The following GMDS variants were observed in gnomAD, a reference collection of about 807,000 sequenced individuals.
GMDS encodes GDP-mannose 4,6-dehydratase.
GMDS carries 20 observed loss-of-function variants against 49.9 expected under a neutral mutation model. The observed-to-expected ratio is 0.40, with a 90% CI of 0.28 to 0.58. The LOEUF is 0.58. Ranked by LOEUF, GMDS falls within the 20% of genes least tolerant of loss-of-function variation. The pLI is 0.42. For missense variants in GMDS, 362 were observed against 481.4 expected (o/e 0.75, Z 2.32); for synonymous variants, 177 against 178.6 (o/e 0.99, Z 0.07).
chr6:2,164,576 AGG>A (rs1312579466), intron 1 of GMDS, among the ~76,000 whole-genome samples: 1 of 152,222 alleles, frequency 6.6e-6, no homozygotes, highest in Non-Finnish European at 1.5e-5. Context: ...ATCAGAATTT[AGG>A]GTTCGATATC....
intron 2 of GMDS, among the ~76,000 whole-genome samples, chr6:2,124,040 G>GT (rs539213255): frequency 0.03 from 4,220 of 142,304 alleles, 87 homozygotes; most frequent in Non-Finnish European, 0.041. Flanking sequence ...CACTGTAAAG[G>GT]TTTTTTTTTT....
rs369080253 is a variant in GMDS at position 2,115,911 on chromosome 6, G to C, written c.236-31C>G. ...GGATACAAAAACATCCCATTAGATA[G>C]AGAAAAGCAACATAAGCTCAATTTT... On this transcript the variant is annotated intron_variant, in intron 3 of 10. Transcript: ENST00000380815. 424 of 1,218,900 alleles carry C rather than the reference G, an allele frequency of 3.5e-4. 1 individual carries two copies. The highest frequency in any genetic ancestry group is 1.3e-3 in the South Asian group (105 of 81,372). 75.5% of individuals were successfully genotyped at this position (1,218,900 alleles called of 1,614,324 possible).
intron 9 of GMDS, among the ~76,000 whole-genome samples, chr6:1,712,901 C>A (rs929289745): frequency 2.0e-5 from 3 of 152,148 alleles, no homozygotes; most frequent in Non-Finnish European, 4.4e-5. Flanking sequence ...AGTTGGAGGG[C>A]TGAGGAGAAA....
At chr6:1,900,839 T>C (rs1261844613) in intron 7 of GMDS, among the ~76,000 whole-genome samples, 2 of 152,244 alleles carry the variant, frequency 1.3e-5, no homozygotes, top group East Asian at 3.8e-4. Context: ...TAAAATGTTA[T>C]ACTTTGAAAA....
At chr6:2,230,953 C>CG (rs1781077067) in intron 1 of GMDS, among the ~76,000 whole-genome samples, 1 of 106,040 alleles carries the variant, frequency 9.4e-6, no homozygotes, top group African/African-American at 3.4e-5. Context: ...CCCCCCCCCC[C>CG]GTTCCTTCCC....
At chr6:2,085,877 T>C (rs867038948) in intron 4 of GMDS, among the ~76,000 whole-genome samples, 2 of 152,182 alleles carry the variant, frequency 1.3e-5, no homozygotes, top group South Asian at 4.1e-4. Context: ...AACTCTCTAG[T>C]CATTCATTAA....
At chr6:2,083,191 G>GATTAATCA (rs1772814469) in intron 4 of GMDS, among the ~76,000 whole-genome samples, 1 of 152,132 alleles carries the variant, frequency 6.6e-6, no homozygotes, top group African/African-American at 2.4e-5. Context: ...TACAAGATTA[G>GATTAATCA]ATACCTTTAA....
chr6:2,079,799 T>C (rs1324939793), intron 4 of GMDS, among the ~76,000 whole-genome samples: 1 of 152,138 alleles, frequency 6.6e-6, no homozygotes, highest in East Asian at 1.9e-4. Flanking sequence ...GCATTGTATA[T>C]GTTTGCGGAT....
At chr6:2,051,982 T>C (rs1230675700) in intron 4 of GMDS, among the ~76,000 whole-genome samples, 1 of 151,726 alleles carries the variant, frequency 6.6e-6, no homozygotes, top group Non-Finnish European at 1.5e-5. Context: ...TCGGGCGTGG[T>C]GGCAAGCACC....
intron 9 of GMDS, chr6:1,625,051 C>T (rs1013547109): frequency 6.6e-6 from 1 of 152,024 alleles, no homozygotes. Flanking sequence ...GGGGAAGGGA[C>T]TCGGGCTGTG....
chr6:1,795,643 A>T (rs2113645908), intron 7 of GMDS, among the ~76,000 whole-genome samples: 1 of 152,342 alleles, frequency 6.6e-6, no homozygotes, highest in South Asian at 2.1e-4. Flanking sequence ...TTTGAATGCA[A>T]ATAAAATTTA....
At chr6:1,777,744 G>A (rs1468507686) in intron 7 of GMDS, among the ~76,000 whole-genome samples, 1 of 152,168 alleles carries the variant, frequency 6.6e-6, no homozygotes, top group Non-Finnish European at 1.5e-5. Flanking sequence ...TCTTCTTCGG[G>A]GGATGGAGGG....
At position 1,703,205 on chromosome 6, in the gene GMDS, C is replaced by G. The variant is rs1256381951; in HGVS notation, c.987+23211G>C. On this transcript the variant is annotated intron_variant, in intron 9 of 10. Coordinates refer to ENST00000380815, the MANE Select transcript of GMDS (RefSeq NM_001500.4). ...ACAGGGCATGGTAGGGAAAAGTGAG[C>G]TGGGGTAAATGGGGTGTGCTCACTT... 2.0e-5 allele frequency among the ~76,000 whole-genome samples: 3 copies of G among 152,250 alleles called. No homozygotes were observed. The East Asian group carries it at 5.8e-4, about 29-fold the overall frequency.
intron 9 of GMDS, among the ~76,000 whole-genome samples, chr6:1,643,652 G>C (rs990202403): frequency 6.6e-6 from 1 of 151,998 alleles, no homozygotes; most frequent in East Asian, 1.9e-4. Flanking sequence ...GGGCCACGGT[G>C]GGGGGGACAC....
At chr6:2,244,504 T>C (rs1284858002) in intron 1 of GMDS, among the ~76,000 whole-genome samples, 1 of 152,040 alleles carries the variant, frequency 6.6e-6, no homozygotes, top group Non-Finnish European at 1.5e-5. Flanking sequence ...CCACTGAATC[T>C]AAAACAGCAC....
intron 4 of GMDS, among the ~76,000 whole-genome samples, chr6:2,020,526 C>T (rs1043648757): frequency 1.3e-5 from 2 of 151,998 alleles, no homozygotes; most frequent in African/African-American, 4.8e-5. Context: ...TTTTAGTTTA[C>T]CTTTGTAAAA....
At chr6:2,038,322 T>C (rs1244850038) in intron 4 of GMDS, among the ~76,000 whole-genome samples, 1 of 152,160 alleles carries the variant, frequency 6.6e-6, no homozygotes, top group Non-Finnish European at 1.5e-5. Flanking sequence ...CCTTCCCCAC[T>C]GATAAAGTGC....
intron 7 of GMDS, among the ~76,000 whole-genome samples, chr6:1,875,135 A>G (rs1230918670): frequency 6.6e-6 from 1 of 152,172 alleles, no homozygotes; most frequent in Non-Finnish European, 1.5e-5. Context: ...AATTCAAAAT[A>G]AAAAGAATAA....
intron 9 of GMDS, among the ~76,000 whole-genome samples, chr6:1,719,673 T>C (rs1190920524): frequency 2.0e-5 from 3 of 151,178 alleles, no homozygotes; most frequent in Non-Finnish European, 4.4e-5. Flanking sequence ...ACAGAGGTCA[T>C]CGGCCAAAGA....
Sources: gnomAD v4.1 joint callset for allele counts (sites outside exome capture counted in the v4.1 genomes callset) on GRCh38, gnomAD v4.1.1 for gene constraint, MANE v1.5 for transcripts, NCBI Gene and HGNC (gene_info 2026-07-23, HGNC 2026-07-21) for gene names.